Variants in HAUS6 observed in about 807,000 individuals in gnomAD.
HAUS6 encodes HAUS augmin-like complex subunit 6.
HAUS6 carries 80 observed loss-of-function variants against 106.8 expected under a neutral mutation model. That is an observed-to-expected ratio of 0.75 (90% CI 0.63 to 0.90). The LOEUF (loss-of-function observed/expected upper bound fraction) is 0.90. HAUS6 is among the 40% of genes least tolerant of loss of function. The pLI, the probability that HAUS6 is intolerant of heterozygous loss-of-function variation, is 0.00. For missense variants in HAUS6, 1,155 were observed against 1,118.1 expected, an observed-to-expected ratio of 1.03 and a Z score of -0.47; for synonymous variants, 356 against 379.1, an observed-to-expected ratio of 0.94 and a Z score of 0.71.
At chr9:19,059,057 A>C in intron 15 of HAUS6, 56 bp from the exon 16 acceptor site, 1 of 921,212 alleles carries the variant, frequency 1.1e-6, no homozygotes, top group Non-Finnish European at 1.7e-6. Flanking sequence ...TAGAGCATGC[A>C]ATGAATCATT....
chr9:19,095,296 T>C (rs1175721616), intron 2 of HAUS6, among the ~76,000 whole-genome samples: 1 of 152,144 alleles, frequency 6.6e-6, no homozygotes, highest in East Asian at 1.9e-4. Context: ...CAAATTTTTA[T>C]TCTGAGGCAT....
At position 19,102,819 on chromosome 9, in the gene HAUS6, C is replaced by A. The variant is rs953255498; in HGVS notation, c.-168G>T. The A allele has an allele frequency of 5.1e-5, 31 of 609,400 alleles. No homozygotes were observed. The highest frequency in any genetic ancestry group is 7.8e-5 in the Non-Finnish European group (28 of 359,972). The allele number at this position is 609,400 out of a possible 1,614,324, so 37.7% of individuals were successfully genotyped here. On this transcript the variant is annotated 5_prime_UTR_variant, in exon 1 of 17. Transcript: ENST00000380502. ...GATTTCGCCTCAAAGGGCCTCACAA[C>A]CTCCGGGAAATTGAGTTTCTAACGG...
chr9:19,102,456 C>A lies in HAUS6; in HGVS notation c.128+68G>T. On this transcript the variant is annotated intron_variant, in intron 1 of 16. Transcript: ENST00000380502. Reference sequence around the variant, plus strand: ...CTGATTAATCAACCTCCGGGGTCTACAAAAGGGGGAGTCCCCCGGCGTCCC... The same window carrying A: ...CTGATTAATCAACCTCCGGGGTCTAAAAAAGGGGGAGTCCCCCGGCGTCCC... The A allele has an allele frequency of 5.8e-6, 9 of 1,545,364 alleles. No individual in the cohort carries two copies. The South Asian group carries it at 1.0e-4, about 18-fold the overall frequency.
At chr9:19,092,304 C>A (rs1318866123) in intron 4 of HAUS6, among the ~76,000 whole-genome samples, 1 of 131,472 alleles carries the variant, frequency 7.6e-6, no homozygotes. Context: ...AAAAAAAAAA[C>A]AACAACAAAA....
chr9:19,094,517 C>T (rs1054305349), intron 2 of HAUS6, 122 bp from the exon 3 acceptor site: 10 of 620,146 alleles, frequency 1.6e-5, no homozygotes, highest in Admixed American at 6.3e-5. Context: ...CATGGCCAAG[C>T]GCGGTGGCTC....
chr9:19,058,974 T>A lies in HAUS6; in HGVS notation c.1793A>T (p.Lys598Ile), dbSNP rs1197103550. The A allele has an allele frequency of 6.3e-7, 1 of 1,598,326 alleles. No individual in the cohort carries two copies. Among genetic ancestry groups the A allele is most frequent in the Non-Finnish European group, 8.6e-7 (1 of 1,167,424 alleles). ...LITEIRSSWR[K>I]AIEMEENRTK... ...TCTGTTTTCTTCCATTTCAATAGCT[T>A]TTCTCCATGAGCTCCTAATTTCAGT... The change falls in exon 16 of 17, where the codon AAA becomes ATA. Residue 598 changes from lysine (K) to isoleucine (I), a missense_variant. By Grantham distance (102) the Lys-to-Ile change is moderately radical. Coordinates refer to ENST00000380502, the MANE Select transcript of HAUS6 (RefSeq NM_017645.5).
intron 11 of HAUS6, among the ~76,000 whole-genome samples, chr9:19,071,176 T>C (rs1340696214): frequency 6.6e-6 from 1 of 151,800 alleles, no homozygotes; most frequent in East Asian, 1.9e-4. Flanking sequence ...ATTACAGAGG[T>C]AAAAAGTATA....
Position 19,092,916 on chromosome 9 carries a change from C to CAAAAAAAAAAAAAAAAA in HAUS6, c.436+238_436+254dup, listed in dbSNP as rs71494998. On this transcript the variant is annotated intron_variant, in intron 4 of 16. Transcript: ENST00000380502. ...CTCCAGCTTGAGCGAAACTGTGTCT[C>CAAAAAAAAAAAAAAAAA]AAAAAAAAAAAAAAAAAGAAATGTT... Among the ~76,000 whole-genome samples, 320 of 76,016 alleles carry CAAAAAAAAAAAAAAAAA rather than the reference C, an allele frequency of 4.2e-3. 10 individuals are homozygous for CAAAAAAAAAAAAAAAAA. Among genetic ancestry groups the CAAAAAAAAAAAAAAAAA allele is most frequent in the African/African-American group, 9.5e-3 (225 of 23,756 alleles). The allele number at this position is 76,016 out of a possible 152,430, so 49.9% of individuals were successfully genotyped here.
chr9:19,056,695 G>A (rs1338490620), intron 16 of HAUS6: 7 of 259,114 alleles, frequency 2.7e-5, no homozygotes, highest in Non-Finnish European at 4.4e-5. Context: ...CAAACTCCCA[G>A]GCCCAAGCAA....
chr9:19,076,279 G>C (rs933211582), intron 11 of HAUS6, among the ~76,000 whole-genome samples: 2 of 151,658 alleles, frequency 1.3e-5, no homozygotes, highest in African/African-American at 2.4e-5. Context: ...CTTGAGCCTG[G>C]GGTGGTCAAG....
chr9:19,058,807 T>A lies in HAUS6; in HGVS notation c.1960A>T (p.Thr654Ser). 14 of 1,614,212 alleles carry A rather than the reference T, an allele frequency of 8.7e-6. No individual in the cohort carries two copies. The highest frequency in any genetic ancestry group is 1.2e-5 in the Non-Finnish European group (14 of 1,180,018). Residue 654 changes from threonine to serine, a missense_variant, in exon 16 of 17, where the codon ACT becomes TCT. Around this residue, in one of 3 missense-constraint regions of HAUS6, gnomAD observed 380 missense variants for 394.8 expected, o/e 0.96. Transcript: ENST00000380502. ...CAATCTGAAATAACTTTCTCTTCAGTCAAATGAGACTGGCCAAAATCTGAT... is the reference window on the plus strand; with the variant it reads ...CAATCTGAAATAACTTTCTCTTCAGACAAATGAGACTGGCCAAAATCTGAT... ...TVSDFGQSHL[T>S]EEKVISDCEC...
At chr9:19,093,113 T>G (rs1817790062) in intron 4 of HAUS6, 58 bp downstream of exon 4, 2 of 1,212,290 alleles carry the variant, frequency 1.6e-6, no homozygotes, top group Non-Finnish European at 2.3e-6. Context: ...TTAAAAATTG[T>G]AAAGAACAAT....
intron 1 of HAUS6, among the ~76,000 whole-genome samples, chr9:19,100,866 A>G (rs559106770): frequency 7.2e-5 from 11 of 152,322 alleles, no homozygotes; most frequent in African/African-American, 2.6e-4. Context: ...ATGTTCTCAC[A>G]TGTGAAAGCA....
chr9:19,090,116 G>T (rs1817712861), intron 4 of HAUS6, among the ~76,000 whole-genome samples: 1 of 151,996 alleles, frequency 6.6e-6, no homozygotes, highest in African/African-American at 2.4e-5. Context: ...TGGGATTACA[G>T]GCCACCACAT....
chr9:19,087,503 A>G (rs761034564), intron 5 of HAUS6, among the ~76,000 whole-genome samples: 1 of 152,224 alleles, frequency 6.6e-6, no homozygotes, highest in Non-Finnish European at 1.5e-5. Flanking sequence ...CTATAGCTTT[A>G]GTAATATATA....
chr9:19,054,412 CA>C lies in HAUS6; in HGVS notation c.*1930del, dbSNP rs1250363182. 6.6e-6 allele frequency: 1 copy of C among 152,094 alleles called. No homozygotes were observed. The highest frequency in any genetic ancestry group is 1.5e-5 in the Non-Finnish European group (1 of 68,014). The allele number at this position is 152,094 out of a possible 1,614,324, so 9.4% of individuals were successfully genotyped here. A position where few individuals can be genotyped will look rare whatever the true frequency, so the allele number is the denominator to read the frequency against. On this transcript the variant is annotated 3_prime_UTR_variant, in exon 17 of 17. Transcript: ENST00000380502. Reference sequence around the variant, plus strand: ...TACTGGATAGGGAAAAGGCTGAAGGCAAAAAGCTGCCATCACATTGGTTTAG... The same window carrying C: ...TACTGGATAGGGAAAAGGCTGAAGGCAAAAGCTGCCATCACATTGGTTTAG...
At chr9:19,102,488 C>A in intron 1 of HAUS6, 36 bp downstream of exon 1, 1 of 1,605,872 alleles carries the variant, frequency 6.2e-7, no homozygotes, top group South Asian at 1.1e-5. Flanking sequence ...TCCCCCGGTT[C>A]AGGCTCCCTC....
chr9:19,089,675 CTGAT>C (rs2131146237), intron 4 of HAUS6, 116 bp from the exon 5 acceptor site: 1 of 636,358 alleles, frequency 1.6e-6, no homozygotes, highest in African/African-American at 1.9e-5. Context: ...ACTGCTAAAT[CTGAT>C]TGACTTTTAA....
chr9:19,057,081 T>C (rs1234738786), intron 16 of HAUS6: 1 of 152,142 alleles, frequency 6.6e-6, no homozygotes, highest in East Asian at 1.9e-4. Context: ...AATATATCCA[T>C]CACCTAGCTT....
Sources: allele counts gnomAD v4.1 joint callset (sites outside exome capture counted in the v4.1 genomes callset), GRCh38; gene constraint gnomAD v4.1.1; regional missense constraint gnomAD v4.1.1; transcripts MANE v1.5; gene names NCBI Gene and HGNC (gene_info 2026-07-23, HGNC 2026-07-21).